Variants in MAPK8IP3 observed in about 807,000 individuals in gnomAD.
MAPK8IP3 encodes the protein C-Jun-amino-terminal kinase-interacting protein 3.
A neutral mutation model predicts 157.8 loss-of-function variants in MAPK8IP3; 49 were observed. The ratio of observed to expected loss-of-function variants is 0.31; its 90% CI spans 0.25 to 0.39. The LOEUF (loss-of-function observed/expected upper bound fraction) is 0.39, where lower values mean the gene tolerates loss of function less well. Ranked by LOEUF, MAPK8IP3 falls within the 10% of genes least tolerant of loss-of-function variation. MAPK8IP3 has a pLI of 1.00. For synonymous variants in MAPK8IP3, 897 were observed against 777.7 expected (o/e 1.15, Z -2.55); for missense variants, 1,478 against 1,889.4 (o/e 0.78, Z 4.04).
intron 8 of MAPK8IP3, among the ~76,000 whole-genome samples, chr16:1,756,295 T>C (rs1202422880): frequency 6.6e-6 from 1 of 152,146 alleles, no homozygotes; most frequent in African/African-American, 2.4e-5. Flanking sequence ...GGTGGATCAT[T>C]TGAGCTGAGA....
chr16:1,764,237 C>A, intron 18 of MAPK8IP3, 27 bp downstream of exon 18: 1 of 1,604,658 alleles, frequency 6.2e-7, no homozygotes, highest in Non-Finnish European at 8.5e-7. Flanking sequence ...CCCGCTCAGG[C>A]TGGCTGGGCG....
intron 1 of MAPK8IP3, among the ~76,000 whole-genome samples, chr16:1,718,728 G>C (rs533385683): frequency 3.3e-5 from 5 of 151,600 alleles, no homozygotes. Context: ...GGGAGATGGA[G>C]GTTGCAGTGA....
At chr16:1,746,951 C>T in intron 5 of MAPK8IP3, 78 bp from the exon 6 acceptor site, 1 of 1,521,398 alleles carries the variant, frequency 6.6e-7, no homozygotes. Flanking sequence ...GTGCGCGGGG[C>T]CTCAGGCAGC....
intron 8 of MAPK8IP3, among the ~76,000 whole-genome samples, chr16:1,754,942 C>G: frequency 6.6e-6 from 1 of 152,324 alleles, no homozygotes. Context: ...GCAGCCCCAC[C>G]GTTCCCACAG....
rs756911160 is a variant in MAPK8IP3 at position 1,729,256 on chromosome 16, G to T, written c.510+48G>T. 3 of 1,586,148 alleles carry T rather than the reference G, an allele frequency of 1.9e-6. No homozygotes were observed. In the Admixed American group the frequency reaches 5.0e-5, roughly 27 times the overall value. ...GGAGACGAGGGTTGGAGACAGGGCC[G>T]CGGCCTGACGCCTGCGACTCTTGCG... On this transcript the variant is annotated intron_variant, in intron 3 of 31. Transcript: ENST00000610761.
chr16:1,758,213 T>C, intron 9 of MAPK8IP3, 54 bp downstream of exon 9: 1 of 1,604,272 alleles, frequency 6.2e-7, no homozygotes, highest in South Asian at 1.1e-5. Flanking sequence ...GGGGAGTGGG[T>C]GGACGGGGGA....
chr16:1,729,940 G>C (rs1305988918), intron 4 of MAPK8IP3, among the ~76,000 whole-genome samples: 1 of 146,792 alleles, frequency 6.8e-6, no homozygotes, highest in Non-Finnish European at 1.5e-5. Context: ...CGGGCACAGT[G>C]ACTTATGCCT....
rs2040769207 is a variant in MAPK8IP3 at position 1,743,045 on chromosome 16, A to G, written c.603-287A>G. Among the ~76,000 whole-genome samples the G allele has an allele frequency of 6.6e-6, 1 of 152,152 alleles. No homozygotes were observed. The highest frequency in any genetic ancestry group is 1.5e-5 in the Non-Finnish European group (1 of 68,034). The stretch of plus-strand genomic sequence containing the variant: ...GGGAGGTGGAACTTGCAGTGAGCCA[A>G]GTTCGTGCCACTGCACTCCAGCCTG... On this transcript the variant is annotated intron_variant, in intron 4 of 31. Coordinates refer to ENST00000610761, the MANE Select transcript of MAPK8IP3 (RefSeq NM_001318852.2). The surrounding 1 kb of genome is among the most constrained non-coding windows in gnomAD (Gnocchi z 5.6).
At chr16:1,737,609 C>T (rs1163690676) in intron 4 of MAPK8IP3, among the ~76,000 whole-genome samples, 17 of 66,338 alleles carry the variant, frequency 2.6e-4, no homozygotes, top group African/African-American at 3.2e-4. Context: ...AGCGTGTGAC[C>T]GTCCGTGTGT....
chr16:1,753,605 T>A (rs939705815), intron 8 of MAPK8IP3, among the ~76,000 whole-genome samples: 7 of 151,760 alleles, frequency 4.6e-5, no homozygotes, highest in Non-Finnish European at 8.8e-5. Flanking sequence ...CATGCCCGGC[T>A]AATTTTTTGT....
intron 5 of MAPK8IP3, chr16:1,745,224 A>G (rs2141854086): frequency 1.0e-6 from 1 of 976,548 alleles, no homozygotes; most frequent in African/African-American, 1.7e-5. Context: ...GGTCAGGAGC[A>G]GGCCGGGGAC....
At chr16:1,763,149 C>G in intron 16 of MAPK8IP3, 143 bp downstream of exon 16, 1 of 1,059,058 alleles carries the variant, frequency 9.4e-7, no homozygotes, top group Non-Finnish European at 1.4e-6. Flanking sequence ...CGTGACCTCT[C>G]CCTGCACACT....
chr16:1,735,729 ATGTGAGAGTGTGACCG>A (rs2039691178), intron 4 of MAPK8IP3, among the ~76,000 whole-genome samples: 1 of 83,832 alleles, frequency 1.2e-5, no homozygotes, highest in Non-Finnish European at 2.3e-5. Context: ...GTGACCGTCC[ATGTGAGAGTGTGACCG>A]TCCATGTGAG....
intron 4 of MAPK8IP3, among the ~76,000 whole-genome samples, chr16:1,737,657 T>C (rs1320097620): frequency 2.4e-5 from 2 of 82,332 alleles, no homozygotes; most frequent in Admixed American, 1.3e-4. Context: ...ACTGTCCGTG[T>C]GAGCGTCCGT....
In MAPK8IP3 at chr16:1,748,740, C is replaced by CA. The variant is rs1567184771; in HGVS notation, c.1216+20_1216+21insA. The stretch of plus-strand genomic sequence containing the variant: ...TCCTAGGTAAGCGCAAGCCTTCCCC[C>CA]GCACCGCTGTGCCTGCACAATGCTG... On this transcript the variant is annotated intron_variant, in intron 8 of 31. Coordinates refer to ENST00000610761, the MANE Select transcript of MAPK8IP3 (RefSeq NM_001318852.2). 6.3e-7 allele frequency: 1 copy of CA among 1,584,314 alleles called. No individual in the cohort carries two copies. Among genetic ancestry groups the CA allele is most frequent in the African/African-American group, 1.3e-5 (1 of 74,424 alleles).
Position 1,765,978 on chromosome 16 carries a change from A to T in MAPK8IP3, c.2465A>T (p.Tyr822Phe). ...TCCCCAGCGGCCAGCGACAGCGACT[A>T]CCCTCCCGGGGAGATGTTCCTGGAC... ...SSIPAASDSD[Y>F]PPGEMFLDSD... Residue 822 changes from tyrosine (Y) to phenylalanine (F), a missense_variant, in exon 21 of 32, where the codon TAC (tyrosine) becomes TTC (phenylalanine). Physicochemically the swap from Tyr to Phe is conservative, Grantham distance 22. Coordinates refer to ENST00000610761, the MANE Select transcript of MAPK8IP3 (RefSeq NM_001318852.2). The T allele has an allele frequency of 6.2e-7, 1 of 1,612,090 alleles. No individual in the cohort carries two copies. Among genetic ancestry groups the T allele is most frequent in the Non-Finnish European group, 8.5e-7 (1 of 1,179,582 alleles).
intron 4 of MAPK8IP3, among the ~76,000 whole-genome samples, chr16:1,731,340 A>T (rs553081947): frequency 6.6e-6 from 1 of 152,268 alleles, no homozygotes; most frequent in South Asian, 2.1e-4. Context: ...AAAAGAAAGA[A>T]AGGGAATCAG....
intron 1 of MAPK8IP3, among the ~76,000 whole-genome samples, chr16:1,711,876 C>T (rs1357484106): frequency 6.7e-6 from 1 of 149,244 alleles, no homozygotes; most frequent in Non-Finnish European, 1.5e-5. Context: ...GGAGGTAGAG[C>T]TTGCAGTGAG....
chr16:1,767,471 G>T (rs2042340596), intron 26 of MAPK8IP3, 93 bp from the exon 27 acceptor site: 20 of 1,520,860 alleles, frequency 1.3e-5, no homozygotes, highest in Non-Finnish European at 1.7e-5. Flanking sequence ...GGTCTGAGGG[G>T]ACTGCAGGTG....
Sources: gnomAD v4.1 joint callset for allele counts (sites outside exome capture counted in the v4.1 genomes callset) on GRCh38, gnomAD v4.1.1 for gene constraint, Gnocchi (gnomAD v3.1) non-coding constraint, MANE v1.5 for transcripts, NCBI Gene and HGNC (gene_info 2026-07-23, HGNC 2026-07-21) for gene names.